Variants in NRG2 observed in about 807,000 individuals in gnomAD.
The protein encoded by NRG2 is neuregulin 2, also known as pro-neuregulin-2, membrane-bound isoform.
Under a neutral mutation model 73.9 loss-of-function variants are expected in NRG2, and 27 were observed. The ratio of observed to expected loss-of-function variants is 0.37; its 90% CI spans 0.27 to 0.50. NRG2 has a LOEUF of 0.50. Among genes scored for constraint, NRG2 ranks in the 20% least tolerant of loss-of-function variants. NRG2 has a pLI of 0.96. For missense variants in NRG2, 1,126 were observed against 1,210.1 expected (o/e 0.93, Z 1.03); for synonymous variants, 532 against 541.0 (o/e 0.98, Z 0.23).
At chr5:139,992,882 G>C (rs1029237240) in intron 1 of NRG2, among the ~76,000 whole-genome samples, 1 of 151,796 alleles carries the variant, frequency 6.6e-6, no homozygotes, top group African/African-American at 2.4e-5. Context: ...CTCATAGTTC[G>C]CTCACCCAGC....
chr5:139,994,079 C>T (rs1473022470), intron 1 of NRG2, among the ~76,000 whole-genome samples: 1 of 152,142 alleles, frequency 6.6e-6, no homozygotes, highest in African/African-American at 2.4e-5. Context: ...TGAGAGAACA[C>T]AGACTCCCCA....
chr5:139,881,757 G>A (rs1164206830), intron 2 of NRG2, among the ~76,000 whole-genome samples: 2 of 152,226 alleles, frequency 1.3e-5, no homozygotes, highest in East Asian at 1.9e-4. Context: ...TCATGAGGAC[G>A]TGGGCTATCT....
chr5:139,897,836 G>A (rs1045176800), intron 1 of NRG2, among the ~76,000 whole-genome samples: 3 of 152,292 alleles, frequency 2.0e-5, no homozygotes, highest in African/African-American at 7.2e-5. Context: ...AGCAGATAAT[G>A]AAGTCGGGGC....
chr5:139,955,645 A>C (rs763708000), intron 1 of NRG2, among the ~76,000 whole-genome samples: 1 of 152,162 alleles, frequency 6.6e-6, no homozygotes, highest in Non-Finnish European at 1.5e-5. Flanking sequence ...ATTAGAACCC[A>C]GTGTCTTCCC....
chr5:140,041,689 G>A (rs1286599171), intron 1 of NRG2, among the ~76,000 whole-genome samples: 1 of 146,074 alleles, frequency 6.8e-6, no homozygotes, highest in Non-Finnish European at 1.5e-5. Context: ...AAAAAAAGGT[G>A]TCTGCTTGCT....
intron 1 of NRG2, among the ~76,000 whole-genome samples, chr5:139,976,516 G>A (rs962204653): frequency 6.6e-6 from 1 of 152,170 alleles, no homozygotes; most frequent in Non-Finnish European, 1.5e-5. Context: ...CATTCCCTGA[G>A]GTGCCAATGA....
At chr5:139,924,819 C>A (rs1453066600) in intron 1 of NRG2, among the ~76,000 whole-genome samples, 1 of 152,164 alleles carries the variant, frequency 6.6e-6, no homozygotes, top group African/African-American at 2.4e-5. Context: ...GAGGTCTCTT[C>A]GCTGCTACTT....
At chr5:139,896,144 C>T (rs942232215) in intron 1 of NRG2, among the ~76,000 whole-genome samples, 1 of 152,154 alleles carries the variant, frequency 6.6e-6, no homozygotes, top group African/African-American at 2.4e-5. Flanking sequence ...AACTGGGATA[C>T]ATGCAAAGCC....
chr5:139,963,913 CT>C (rs1755271984), intron 1 of NRG2, among the ~76,000 whole-genome samples: 1 of 152,200 alleles, frequency 6.6e-6, no homozygotes, highest in Non-Finnish European at 1.5e-5. Flanking sequence ...TTTGTTCAAA[CT>C]GGTTCCTTTC....
chr5:139,859,802 G>A, intron 5 of NRG2: 3 of 1,419,448 alleles, frequency 2.1e-6, no homozygotes, highest in South Asian at 1.2e-5. Context: ...TTTTGGAAAG[G>A]AAACCAAACA....
chr5:139,982,749 G>T (rs997447725), intron 1 of NRG2, among the ~76,000 whole-genome samples: 1 of 152,082 alleles, frequency 6.6e-6, no homozygotes, highest in African/African-American at 2.4e-5. Flanking sequence ...CCATTCCCCC[G>T]CAAGGCGCCT....
intron 1 of NRG2, among the ~76,000 whole-genome samples, chr5:139,942,852 T>C (rs1408789294): frequency 6.6e-6 from 1 of 152,238 alleles, no homozygotes; most frequent in East Asian, 1.9e-4. Context: ...CACTATTTAT[T>C]TATTTATTGA....
At chr5:139,924,434 G>T (rs1001558786) in intron 1 of NRG2, among the ~76,000 whole-genome samples, 3 of 152,178 alleles carry the variant, frequency 2.0e-5, no homozygotes, top group African/African-American at 7.2e-5. Context: ...TCTACAGATG[G>T]AATTACTCAA....
At chr5:139,983,517 A>G (rs1238861433) in intron 1 of NRG2, among the ~76,000 whole-genome samples, 6 of 152,112 alleles carry the variant, frequency 3.9e-5, no homozygotes, top group Admixed American at 2.6e-4. Context: ...AGTCCCTCAG[A>G]CGCTTCCCTC....
intron 1 of NRG2, among the ~76,000 whole-genome samples, chr5:140,023,672 T>C (rs1760421853): frequency 6.6e-6 from 1 of 152,136 alleles, no homozygotes; most frequent in African/African-American, 2.4e-5. Context: ...ATATTTGATT[T>C]TGAACTTGCC....
intron 2 of NRG2, among the ~76,000 whole-genome samples, chr5:139,882,415 ATGTCCTTGC>A (rs1763579454): frequency 6.6e-6 from 1 of 152,168 alleles, no homozygotes; most frequent in Non-Finnish European, 1.5e-5. Context: ...TGCTATGGTA[ATGTCCTTGC>A]TGATGCTGTG....
rs1762605471 is a variant in NRG2, at chr5:139,868,092, G to T, written c.1113-2467C>A. On this transcript the variant is annotated intron_variant, in intron 4 of 9. Transcript: ENST00000361474. This position sits in a 1 kb window ranked among gnomAD's most constrained non-coding sequence, Gnocchi z 4.2. ...CCTTCCTTGAGAAAATGTGCTCCCC[G>T]CTGGCTGAACAAAACAAAAGGCACT... Among the ~76,000 whole-genome samples the T allele has an allele frequency of 6.6e-6, 1 of 151,994 alleles. No homozygotes were observed. The highest frequency in any genetic ancestry group is 2.1e-4 in the South Asian group (1 of 4,796).
chr5:139,853,874 T>C lies in NRG2; in HGVS notation c.1293-847A>G, dbSNP rs1761639537. On this transcript the variant is annotated intron_variant, in intron 6 of 9. Coordinates refer to ENST00000361474, the MANE Select transcript of NRG2 (RefSeq NM_004883.3). This position sits in a 1 kb window ranked among gnomAD's most constrained non-coding sequence, Gnocchi z 4.1. ...TATTCAATAGCATATGGGGTGACTA[T>C]AGTCAATAATAATTTAATTATACAT... 1.3e-5 allele frequency among the ~76,000 whole-genome samples: 2 copies of C among 152,168 alleles called. No individual in the cohort carries two copies. The highest frequency in any genetic ancestry group is 1.5e-5 in the Non-Finnish European group (1 of 68,038).
intron 1 of NRG2, among the ~76,000 whole-genome samples, chr5:140,016,236 G>C (rs1343945162): frequency 2.0e-5 from 3 of 152,188 alleles, no homozygotes; most frequent in African/African-American, 7.2e-5. Context: ...AAGTCAGGGA[G>C]AGGAGTTGTA....
Sources: gnomAD v4.1 joint callset for allele counts (sites outside exome capture counted in the v4.1 genomes callset) on GRCh38, gnomAD v4.1.1 for gene constraint, Gnocchi (gnomAD v3.1) non-coding constraint, MANE v1.5 for transcripts, NCBI Gene and HGNC (gene_info 2026-07-23, HGNC 2026-07-21) for gene names.